The following IL1RAPL1 variants were observed in gnomAD, a reference collection of about 807,000 sequenced individuals.
IL1RAPL1 encodes the protein interleukin-1 receptor accessory protein-like 1.
IL1RAPL1 carries 3 observed loss-of-function variants against 48.4 expected under a neutral mutation model. The ratio of observed to expected loss-of-function variants is 0.06; its 90% CI spans 0.03 to 0.16. The LOEUF is 0.16. Ranked by LOEUF, IL1RAPL1 falls within the 10% of genes least tolerant of loss-of-function variation. The pLI is 1.00. For synonymous variants in IL1RAPL1, 185 were observed against 187.7 expected (o/e 0.99, Z 0.12); for missense variants, 349 against 530.6 (o/e 0.66, Z 3.36).
chrX:28,762,823 CAG>C (rs146402299), intron 1 of IL1RAPL1, among the ~76,000 whole-genome samples: 109 of 36,648 alleles, frequency 3.0e-3, no homozygotes, highest in South Asian at 4.4e-3. Context: ...CACACACACA[CAG>C]AGAGAGAGAG....
chrX:29,221,982 C>G (rs1366569830), intron 2 of IL1RAPL1, among the ~76,000 whole-genome samples: 1 of 93,678 alleles, frequency 1.1e-5, no homozygotes, highest in Non-Finnish European at 2.0e-5. Flanking sequence ...TGCACTCCAA[C>G]CTGGGCGACA....
intron 6 of IL1RAPL1, among the ~76,000 whole-genome samples, chrX:29,736,621 G>A (rs1294216893): frequency 9.0e-6 from 1 of 111,221 alleles, no homozygotes; most frequent in African/African-American, 3.3e-5. Flanking sequence ...AGCTACTTGG[G>A]AGGCTGAGGG....
chrX:29,254,451 G>A (rs1057169125), intron 2 of IL1RAPL1, among the ~76,000 whole-genome samples: 2 of 108,947 alleles, frequency 1.8e-5, no homozygotes, highest in African/African-American at 6.7e-5. Flanking sequence ...TTGTGTGTAT[G>A]TGAGAGAGAG....
At chrX:29,174,096 G>T (rs907193730) in intron 2 of IL1RAPL1, among the ~76,000 whole-genome samples, 1 of 110,306 alleles carries the variant, frequency 9.1e-6, no homozygotes, top group Non-Finnish European at 1.9e-5. Context: ...TGCGAATTTT[G>T]TATTTCTGGT....
intron 1 of IL1RAPL1, among the ~76,000 whole-genome samples, chrX:28,647,162 A>T (rs1934622606): frequency 8.9e-6 from 1 of 112,472 alleles, no homozygotes; most frequent in African/African-American, 3.2e-5. Context: ...TGCCCAGGTT[A>T]AGAAAATCAT....
intron 2 of IL1RAPL1, among the ~76,000 whole-genome samples, chrX:28,947,452 A>T (rs919372681): frequency 7.2e-5 from 8 of 110,985 alleles, no homozygotes; most frequent in African/African-American, 2.6e-4. Context: ...GCCCTTAAAA[A>T]CTTACTGTTT....
intron 5 of IL1RAPL1, among the ~76,000 whole-genome samples, chrX:29,557,891 G>A (rs1386013573): frequency 9.0e-6 from 1 of 110,559 alleles, no homozygotes; most frequent in African/African-American, 3.3e-5. Flanking sequence ...TTTATTGTGT[G>A]TGTGCATGTG....
chrX:28,868,968 A>G, intron 2 of IL1RAPL1, among the ~76,000 whole-genome samples: 1 of 112,377 alleles, frequency 8.9e-6, no homozygotes, highest in Non-Finnish European at 1.9e-5. Context: ...CTGATGGTAT[A>G]AAACTTCCTT....
chrX:29,724,077 C>T (rs946261657), intron 6 of IL1RAPL1, among the ~76,000 whole-genome samples: 4 of 111,332 alleles, frequency 3.6e-5, no homozygotes, highest in Non-Finnish European at 5.7e-5. Context: ...GGGCTCCCAA[C>T]GTGCTGGGAT....
intron 6 of IL1RAPL1, among the ~76,000 whole-genome samples, chrX:29,771,571 G>A (rs1250700042): frequency 8.9e-6 from 1 of 111,961 alleles, no homozygotes; most frequent in African/African-American, 3.2e-5. Flanking sequence ...GTGATGGCTT[G>A]AATAAGTAGT....
intron 2 of IL1RAPL1, among the ~76,000 whole-genome samples, chrX:29,058,553 A>C (rs1219554083): frequency 8.9e-6 from 1 of 112,206 alleles, no homozygotes; most frequent in Non-Finnish European, 1.9e-5. Context: ...TAGTACTAAA[A>C]AAGTGATTTG....
chrX:28,736,828 A>G (rs1935832025), intron 1 of IL1RAPL1, among the ~76,000 whole-genome samples: 2 of 110,802 alleles, frequency 1.8e-5, no homozygotes, highest in African/African-American at 3.3e-5. Flanking sequence ...GTTTTTCACT[A>G]TTTTTTTTCC....
At chrX:29,864,587 G>GAATCTAGTACAAATCTAGTACAA (rs1321978729) in intron 6 of IL1RAPL1, among the ~76,000 whole-genome samples, 1 of 111,999 alleles carries the variant, frequency 8.9e-6, no homozygotes, top group Non-Finnish European at 1.9e-5. Context: ...ACTCTTGTAT[G>GAATCTAGTACAAATCTAGTACAA]AAGAGGGTAT....
chrX:29,087,825 C>G (rs1302848781), intron 2 of IL1RAPL1, among the ~76,000 whole-genome samples: 1 of 111,869 alleles, frequency 8.9e-6, no homozygotes, highest in Non-Finnish European at 1.9e-5. Flanking sequence ...TGCTTGAGCC[C>G]AGGAGTTGAG....
intron 1 of IL1RAPL1, among the ~76,000 whole-genome samples, chrX:28,720,199 A>G (rs774575318): frequency 3.6e-5 from 4 of 111,188 alleles, no homozygotes; most frequent in African/African-American, 6.5e-5. Context: ...ATATTTATGA[A>G]GAGTTGAGAC....
At chrX:29,235,549 A>G (rs1931275264) in intron 2 of IL1RAPL1, among the ~76,000 whole-genome samples, 1 of 111,733 alleles carries the variant, frequency 8.9e-6, no homozygotes, top group South Asian at 3.8e-4. Flanking sequence ...TGGTTGTTAC[A>G]TATGTAACAA....
intron 2 of IL1RAPL1, among the ~76,000 whole-genome samples, chrX:29,065,852 G>GA (rs1388819113): frequency 8.9e-6 from 1 of 111,771 alleles, no homozygotes; most frequent in Non-Finnish European, 1.9e-5. Context: ...TTTAACTCCA[G>GA]AATTTCATTT....
At chrX:29,842,980 G>A (rs1367524927) in intron 6 of IL1RAPL1, among the ~76,000 whole-genome samples, 1 of 111,942 alleles carries the variant, frequency 8.9e-6, no homozygotes, top group Admixed American at 9.5e-5. Context: ...AACTATCCCT[G>A]TATTTCACTA....
At chrX:28,806,468 C>CAT (rs1936733018) in intron 2 of IL1RAPL1, among the ~76,000 whole-genome samples, 1 of 111,537 alleles carries the variant, frequency 9.0e-6, no homozygotes, top group Admixed American at 9.6e-5. Context: ...AGAGCAGATA[C>CAT]ACAAAAGGAC....
Sources: gnomAD v4.1 joint callset for allele counts (sites outside exome capture counted in the v4.1 genomes callset) on GRCh38, gnomAD v4.1.1 for gene constraint, MANE v1.5 for transcripts, NCBI Gene and HGNC (gene_info 2026-07-23, HGNC 2026-07-21) for gene names.